The following GNAQ variants were observed in gnomAD, a reference collection of about 807,000 sequenced individuals.
GNAQ encodes guanine nucleotide-binding protein G(q) subunit alpha.
Under a neutral mutation model 43.9 loss-of-function variants are expected in GNAQ, and 8 were observed. That is an observed-to-expected ratio of 0.18 (90% CI 0.11 to 0.33). The LOEUF (loss-of-function observed/expected upper bound fraction) is 0.33. GNAQ is among the 10% of genes least tolerant of loss of function. The probability of loss-of-function intolerance (pLI) is 1.00; values close to 1 mark genes in which losing one functional copy is unlikely to be tolerated. For missense variants in GNAQ, 158 were observed against 450.8 expected, an observed-to-expected ratio of 0.35 and a Z score of 5.88; for synonymous variants, 155 against 170.7, an observed-to-expected ratio of 0.91 and a Z score of 0.71.
intron 5 of GNAQ, among the ~76,000 whole-genome samples, chr9:77,772,345 T>C (rs1470603468): frequency 1.3e-5 from 2 of 152,216 alleles, no homozygotes; most frequent in African/African-American, 4.8e-5. Flanking sequence ...AATTCACTGC[T>C]GTGCGGAAAC....
At chr9:77,967,519 C>T (rs540424466) in intron 1 of GNAQ, among the ~76,000 whole-genome samples, 1 of 152,270 alleles carries the variant, frequency 6.6e-6, no homozygotes, top group East Asian at 1.9e-4. Context: ...CATACTACAA[C>T]ATGGATAACC....
At chr9:77,871,460 C>T (rs1828037453) in intron 2 of GNAQ, among the ~76,000 whole-genome samples, 1 of 152,164 alleles carries the variant, frequency 6.6e-6, no homozygotes, top group Admixed American at 6.5e-5. Context: ...TTACTCCTTG[C>T]TTCTCTAAAT....
At chr9:77,974,263 G>A (rs1351396496) in intron 1 of GNAQ, among the ~76,000 whole-genome samples, 2 of 152,126 alleles carry the variant, frequency 1.3e-5, no homozygotes, top group Admixed American at 1.3e-4. Flanking sequence ...GGACCCTCCA[G>A]ATGCCCCCAT....
chr9:77,877,918 A>G (rs1014531137), intron 2 of GNAQ, among the ~76,000 whole-genome samples: 1 of 151,926 alleles, frequency 6.6e-6, no homozygotes. Flanking sequence ...TTTTCAGTCC[A>G]CTCCACTGAC....
intron 1 of GNAQ, among the ~76,000 whole-genome samples, chr9:78,019,982 G>T (rs1054426382): frequency 6.6e-6 from 1 of 151,354 alleles, no homozygotes; most frequent in Non-Finnish European, 1.5e-5. Flanking sequence ...AAATCCTAGG[G>T]AAAAAGTCTG....
intron 5 of GNAQ, among the ~76,000 whole-genome samples, chr9:77,767,513 G>T (rs1348993205): frequency 6.6e-6 from 1 of 152,182 alleles, no homozygotes; most frequent in Non-Finnish European, 1.5e-5. Context: ...AAGGCACTCA[G>T]ATCTACACTG....
chr9:77,840,479 G>A (rs188412719), intron 2 of GNAQ, among the ~76,000 whole-genome samples: 1 of 151,802 alleles, frequency 6.6e-6, no homozygotes, highest in Non-Finnish European at 1.5e-5. Context: ...TGGGATTACA[G>A]GCATGCGCCA....
At chr9:77,731,107 G>A (rs778001778) in intron 5 of GNAQ, among the ~76,000 whole-genome samples, 1 of 152,096 alleles carries the variant, frequency 6.6e-6, no homozygotes, top group Non-Finnish European at 1.5e-5. Context: ...CTTGAGAAGG[G>A]GCGTGATGGG....
At chr9:78,014,232 A>T (rs1267958318) in intron 1 of GNAQ, among the ~76,000 whole-genome samples, 2 of 152,150 alleles carry the variant, frequency 1.3e-5, no homozygotes, top group Non-Finnish European at 2.9e-5. Flanking sequence ...CAGAAATCAG[A>T]CGCCAATACA....
intron 2 of GNAQ, among the ~76,000 whole-genome samples, chr9:77,875,232 A>C (rs1466582987): frequency 1.3e-5 from 2 of 152,252 alleles, no homozygotes; most frequent in African/African-American, 4.8e-5. Context: ...GAAATTAAAC[A>C]ACACAATTTT....
At chr9:78,030,468 A>G (rs1317826029) in intron 1 of GNAQ, 1 of 468,710 alleles carries the variant, frequency 2.1e-6, no homozygotes, top group African/African-American at 2.0e-5. Flanking sequence ...CCTCGCCCCC[A>G]GTACACAGAC....
chr9:77,820,842 C>A (rs904575545), intron 2 of GNAQ, among the ~76,000 whole-genome samples: 7 of 152,114 alleles, frequency 4.6e-5, no homozygotes, highest in African/African-American at 1.7e-4. Context: ...ACCTCAGTTT[C>A]TTCATCTATA....
intron 5 of GNAQ, among the ~76,000 whole-genome samples, chr9:77,766,932 CT>C (rs1229264000): frequency 6.6e-6 from 1 of 152,070 alleles, no homozygotes; most frequent in African/African-American, 2.4e-5. Flanking sequence ...TTAATAAGCC[CT>C]GTCCAGTGCT....
intron 5 of GNAQ, among the ~76,000 whole-genome samples, chr9:77,765,677 G>C (rs1826124364): frequency 6.6e-6 from 1 of 152,194 alleles, no homozygotes; most frequent in African/African-American, 2.4e-5. Flanking sequence ...AAAAGATACA[G>C]CTGCTATGAA....
intron 3 of GNAQ, among the ~76,000 whole-genome samples, chr9:77,803,179 C>T (rs966750681): frequency 6.6e-6 from 1 of 152,114 alleles, no homozygotes. Context: ...TCCATCCTTA[C>T]GAAATTACTT....
At chr9:78,006,651 A>ATACGC (rs1823710638) in intron 1 of GNAQ, among the ~76,000 whole-genome samples, 1 of 152,326 alleles carries the variant, frequency 6.6e-6, no homozygotes, top group East Asian at 1.9e-4. Flanking sequence ...GTCTCCTGAA[A>ATACGC]TACGCCTTTT....
chr9:77,839,258 A>C (rs893745084), intron 2 of GNAQ, among the ~76,000 whole-genome samples: 1 of 152,208 alleles, frequency 6.6e-6, no homozygotes, highest in African/African-American at 2.4e-5. Context: ...AAGAGCTTCA[A>C]TTTTTACAGT....
intron 2 of GNAQ, among the ~76,000 whole-genome samples, chr9:77,913,084 G>A (rs1225992294): frequency 2.6e-5 from 4 of 152,178 alleles, no homozygotes; most frequent in African/African-American, 9.7e-5. Context: ...TTGTGGGAAT[G>A]TAAACTGGTA....
At position 77,813,058 on chromosome 9, in the gene GNAQ, G is replaced by A. The variant is rs137957199; in HGVS notation, c.476+2558C>T. Among the ~76,000 whole-genome samples, 158 of 151,842 alleles carry A rather than the reference G, an allele frequency of 1.0e-3. 1 individual carries two copies. Among genetic ancestry groups the A allele is most frequent in the African/African-American group, 3.7e-3 (152 of 41,412 alleles). ...CTCCTGAGTAGCTAGGACTACAGGC[G>A]CACCCCACCACGCCTGGCTACTTTT... On this transcript the variant is annotated intron_variant, in intron 3 of 6. Transcript: ENST00000286548.
Sources: allele counts gnomAD v4.1 joint callset (sites outside exome capture counted in the v4.1 genomes callset), GRCh38; gene constraint gnomAD v4.1.1; transcripts MANE v1.5; gene names NCBI Gene and HGNC (gene_info 2026-07-23, HGNC 2026-07-21).